Variants in CSTPP1 observed in about 807,000 individuals in gnomAD.
CSTPP1 encodes centriolar satellite-associated tubulin polyglutamylase complex regulator 1, also known as UPF0705 protein C11orf49.
At chr11:47,159,393 C>G in the CSTPP1 span, among the ~76,000 whole-genome samples, 78 of 152,146 alleles carry the variant, frequency 5.1e-4, no homozygotes, top group African/African-American at 1.9e-3. Context: ...ACCTGTAATC[C>G]CAGCTACTCG....
chr11:46,974,019 G>A, the CSTPP1 span, among the ~76,000 whole-genome samples: 1 of 152,062 alleles, frequency 6.6e-6, no homozygotes, highest in Non-Finnish European at 1.5e-5. Flanking sequence ...GAGGCTGGAA[G>A]TTTGAGACTA....
the CSTPP1 span, among the ~76,000 whole-genome samples, chr11:47,095,438 T>A: frequency 5.9e-5 from 9 of 152,206 alleles, no homozygotes; most frequent in African/African-American, 1.9e-4. Flanking sequence ...ACACCCTTTT[T>A]TTCTTTCCCT....
chr11:47,154,931 G>A, the CSTPP1 span: 60 of 563,848 alleles, frequency 1.1e-4, no homozygotes, highest in East Asian at 1.6e-3. Context: ...CCCGCTCTGG[G>A]TACAGTGTGG....
At chr11:47,050,486 G>A in the CSTPP1 span, among the ~76,000 whole-genome samples, 1 of 152,122 alleles carries the variant, frequency 6.6e-6, no homozygotes, top group Non-Finnish European at 1.5e-5. Context: ...AGTGAGATAC[G>A]ATGGAAATTG....
At chr11:47,042,784 G>T in the CSTPP1 span, among the ~76,000 whole-genome samples, 1 of 152,086 alleles carries the variant, frequency 6.6e-6, no homozygotes, top group African/African-American at 2.4e-5. Context: ...TACTTTAGAG[G>T]AAAGATTAAT....
At chr11:46,971,375 C>T in the CSTPP1 span, among the ~76,000 whole-genome samples, 3 of 152,096 alleles carry the variant, frequency 2.0e-5, no homozygotes, top group Non-Finnish European at 4.4e-5. Context: ...TGGTCTCTTC[C>T]GTTTCTTGGA....
the CSTPP1 span, among the ~76,000 whole-genome samples, chr11:46,965,232 T>A: frequency 8.3e-5 from 11 of 132,456 alleles, no homozygotes; most frequent in African/African-American, 2.9e-4. Flanking sequence ...TTTTTTTTTT[T>A]ATTTTTTTTT....
At chr11:47,126,587 C>T in the CSTPP1 span, among the ~76,000 whole-genome samples, 1 of 152,162 alleles carries the variant, frequency 6.6e-6, no homozygotes, top group Non-Finnish European at 1.5e-5. Flanking sequence ...GAGCTATGAT[C>T]ATACCACTGC....
At chr11:46,947,715 C>T in the CSTPP1 span, among the ~76,000 whole-genome samples, 18 of 152,210 alleles carry the variant, frequency 1.2e-4, no homozygotes, top group East Asian at 3.9e-4. Context: ...CTCAAGGTCT[C>T]GTTAATACTA....
chr11:47,124,357 C>A, the CSTPP1 span, among the ~76,000 whole-genome samples: 3 of 151,868 alleles, frequency 2.0e-5, no homozygotes, highest in South Asian at 6.2e-4. Flanking sequence ...CTCCTGACCT[C>A]GTGATCTGCC....
At chr11:47,101,197 T>TTTTTTTTTTTTTTG in the CSTPP1 span, among the ~76,000 whole-genome samples, 1 of 136,820 alleles carries the variant, frequency 7.3e-6, no homozygotes, top group Non-Finnish European at 1.6e-5. Flanking sequence ...TTTATTTTAT[T>TTTTTTTTTTTTTTG]TTTAGTAGAG....
chr11:46,979,376 CA>C, the CSTPP1 span, among the ~76,000 whole-genome samples: 1 of 152,016 alleles, frequency 6.6e-6, no homozygotes, highest in Non-Finnish European at 1.5e-5. Flanking sequence ...TTTTTTTACC[CA>C]TGATACTTTC....
At chr11:47,118,720 A>G in the CSTPP1 span, among the ~76,000 whole-genome samples, 1 of 152,178 alleles carries the variant, frequency 6.6e-6, no homozygotes, top group African/African-American at 2.4e-5. Context: ...CCTCAGCTGC[A>G]GGTCTGTTGG....
At chr11:47,060,886 A>G in the CSTPP1 span, among the ~76,000 whole-genome samples, 1 of 152,240 alleles carries the variant, frequency 6.6e-6, no homozygotes, top group African/African-American at 2.4e-5. Flanking sequence ...TGGAAAATGT[A>G]AGGCAGGTAA....
At chr11:47,083,828 G>A in the CSTPP1 span, among the ~76,000 whole-genome samples, 1 of 152,166 alleles carries the variant, frequency 6.6e-6, no homozygotes, top group Admixed American at 6.6e-5. Context: ...TATGAATATA[G>A]CACACTTTGC....
chr11:46,991,103 T>C, the CSTPP1 span, among the ~76,000 whole-genome samples: 1 of 152,154 alleles, frequency 6.6e-6, no homozygotes, highest in Admixed American at 6.5e-5. Flanking sequence ...CCTTTTCTTC[T>C]GGTTTTTGGG....
At chr11:47,077,746 G>A in the CSTPP1 span, among the ~76,000 whole-genome samples, 7 of 152,118 alleles carry the variant, frequency 4.6e-5, no homozygotes, top group Non-Finnish European at 1.0e-4. Context: ...TCAGATTGAA[G>A]TAGCAGGACA....
At chr11:46,948,238 C>T in the CSTPP1 span, 1 of 443,206 alleles carries the variant, frequency 2.3e-6, no homozygotes, top group Non-Finnish European at 4.5e-6. Context: ...CCTCCTTTCT[C>T]TCTGTGTGGA....
the CSTPP1 span, chr11:47,160,511 T>A: frequency 6.6e-6 from 1 of 152,480 alleles, no homozygotes; most frequent in African/African-American, 2.4e-5. Flanking sequence ...ACCCCACAAA[T>A]GAGAGGGTTC....
Sources: allele counts gnomAD v4.1 joint callset (sites outside exome capture counted in the v4.1 genomes callset), GRCh38; gene constraint gnomAD v4.1.1; transcripts MANE v1.5; gene names NCBI Gene and HGNC (gene_info 2026-07-23, HGNC 2026-07-21).